The following HMSD variants were observed in gnomAD, a reference collection of about 807,000 sequenced individuals.
HMSD encodes the protein serpin-like protein HMSD.
In HMSD, 13 loss-of-function variants were observed where a neutral mutation model predicts 10.0. That is an observed-to-expected ratio of 1.31 (90% CI 0.85 to 2.08). The LOEUF is 2.08. Among genes scored for constraint, HMSD ranks in the 30% most tolerant of loss-of-function variants. HMSD has a pLI of 0.00. For synonymous variants in HMSD, 51 were observed against 54.2 expected (o/e 0.94, Z 0.26); for missense variants, 169 against 166.3 (o/e 1.02, Z -0.09).
intron 3 of HMSD, 150 bp downstream of exon 3, chr18:63,954,707 C>T (rs2050349232): frequency 1.6e-6 from 1 of 644,328 alleles, no homozygotes; most frequent in Admixed American, 2.8e-5. Flanking sequence ...GTTTGATCAT[C>T]TGTAGCACAG....
chr18:63,954,344 G>A (rs920410203), intron 2 of HMSD, 64 bp from the exon 3 acceptor site: 3 of 1,132,414 alleles, frequency 2.6e-6, no homozygotes, highest in African/African-American at 3.1e-5. Flanking sequence ...GTTTACTGTT[G>A]TGCCTATATT....
At chr18:63,967,931 C>T (rs2050417249) in intron 3 of HMSD, 1 of 152,182 alleles carries the variant, frequency 6.6e-6, no homozygotes, top group South Asian at 2.1e-4. Context: ...TGTCCATACT[C>T]AGAAAATAAA....
intron 3 of HMSD, chr18:63,968,564 C>A (rs1310466104): frequency 1.3e-5 from 2 of 152,336 alleles, no homozygotes; most frequent in East Asian, 3.9e-4. Flanking sequence ...CTCCCAGGGG[C>A]CAAATTATAT....
At chr18:63,969,183 TAAAGA>T (rs976867425) in intron 3 of HMSD, 1 of 152,244 alleles carries the variant, frequency 6.6e-6, no homozygotes, top group Non-Finnish European at 1.5e-5. Context: ...GCTATGGCTC[TAAAGA>T]AAAGAAGGGA....
rs998587498 is a variant in HMSD, at chr18:63,956,938, G to T, written c.222+2381G>T. On this transcript the variant is annotated intron_variant, in intron 3 of 3. Coordinates refer to ENST00000408945, the MANE Select transcript of HMSD (RefSeq NM_001123366.2). ...CCTTTGCAGCCACAGAGATGGAACT[G>T]GAGGCTATTAATCATAAGCAAACTA... is the stretch of plus-strand genomic sequence containing the variant. 5.3e-5 allele frequency among the ~76,000 whole-genome samples: 8 copies of T among 152,242 alleles called. No homozygotes were observed. The East Asian group carries it at 1.5e-3, about 29-fold the overall frequency.
At chr18:63,956,377 C>G (rs982933775) in intron 3 of HMSD, among the ~76,000 whole-genome samples, 8 of 151,192 alleles carry the variant, frequency 5.3e-5, no homozygotes, top group Non-Finnish European at 7.4e-5. Flanking sequence ...CTTAAATTTA[C>G]AAGCAAAAAC....
intron 3 of HMSD, among the ~76,000 whole-genome samples, chr18:63,967,756 A>G (rs1568262513): frequency 6.6e-6 from 1 of 152,174 alleles, no homozygotes. Context: ...GATGAGGCTG[A>G]GGACAGTTTC....
chr18:63,952,256 G>A (rs1190335070), intron 1 of HMSD, among the ~76,000 whole-genome samples: 12 of 150,680 alleles, frequency 8.0e-5, no homozygotes, highest in Non-Finnish European at 1.5e-4. Context: ...TGCACAATGT[G>A]CACATGTACC....
chr18:63,966,539 C>CAA (rs1274881428), downstream of HMSD: 1 of 152,206 alleles, frequency 6.6e-6, no homozygotes, highest in Non-Finnish European at 1.5e-5. Context: ...TTAACTACAG[C>CAA]AAAACAGCAC....
intron 1 of HMSD, 119 bp from the exon 2 acceptor site, chr18:63,953,235 G>T: frequency 2.1e-6 from 1 of 475,136 alleles, no homozygotes; most frequent in Non-Finnish European, 3.9e-6. Flanking sequence ...GTTTTTGTGT[G>T]TGTACCTATT....
rs113845486 is a variant in HMSD, at chr18:63,957,042, G to T, written c.222+2485G>T. Among the ~76,000 whole-genome samples the T allele has an allele frequency of 7.8e-3, 1,193 of 152,216 alleles. 15 individuals carry two copies. Among genetic ancestry groups the T allele is most frequent in the African/African-American group, 0.027 (1,122 of 41,546 alleles). ...AACATCCAGTACATATGGTCACAAG[G>T]AAAGGAATAACAGATATGGGGGCTT... On this transcript the variant is annotated intron_variant, in intron 3 of 3. Transcript: ENST00000408945.
intron 3 of HMSD, among the ~76,000 whole-genome samples, chr18:63,967,660 G>A (rs2050416104): frequency 6.6e-6 from 1 of 152,164 alleles, no homozygotes. Context: ...ACTAGGTCAA[G>A]GTTGAGTCGG....
At chr18:63,959,232 T>C (rs897957216) in intron 3 of HMSD, among the ~76,000 whole-genome samples, 1 of 152,172 alleles carries the variant, frequency 6.6e-6, no homozygotes, top group Admixed American at 6.5e-5. Context: ...TATTTTTAGT[T>C]TTATAAAAAA....
At chr18:63,950,415 C>CAAAAAAAAA (rs562421091) in intron 1 of HMSD, among the ~76,000 whole-genome samples, 1,216 of 39,024 alleles carry the variant, frequency 0.031, 146 homozygotes, top group Non-Finnish European at 0.045. Context: ...GACTCTCTCT[C>CAAAAAAAAA]AAAAAAAAAA....
Position 63,960,146 on chromosome 18 carries a change from G to A in HMSD, c.223-12G>A, listed in dbSNP as rs780749620. The A allele has an allele frequency of 3.1e-6, 5 of 1,605,910 alleles. No homozygotes were observed. Among genetic ancestry groups the A allele is most frequent in the Non-Finnish European group, 4.2e-6 (5 of 1,177,726 alleles). Reference sequence around the variant, plus strand: ...TCTGTAGCTGTGAAATTATGTTTTTGGTTTTTCCTAGGGTTTTACAGATTC... The same window carrying A: ...TCTGTAGCTGTGAAATTATGTTTTTAGTTTTTCCTAGGGTTTTACAGATTC... On this transcript the variant is annotated splice_polypyrimidine_tract_variant and intron_variant, in intron 3 of 3. Coordinates refer to ENST00000408945, the MANE Select transcript of HMSD (RefSeq NM_001123366.2).
rs1179177372 is a variant in HMSD, at chr18:63,960,176, G to A, written c.241G>A (p.Gly81Ser). 1 of 1,611,714 alleles carries A rather than the reference G, an allele frequency of 6.2e-7. No homozygotes were observed. The highest frequency in any genetic ancestry group is 1.7e-5 in the Admixed American group (1 of 59,552). Residue 81 changes from glycine (G) to serine (S), a missense_variant, in exon 4 of 4, where the codon GGC becomes AGC. Transcript: ENST00000408945. The stretch of plus-strand genomic sequence containing the variant: ...TTCCTAGGGTTTTACAGATTCCTGT[G>A]GCAAATTCTACCAAGCAACGATAAA... ...DFLTGFTDSC[G>S]KFYQATIKQL...
intron 3 of HMSD, among the ~76,000 whole-genome samples, chr18:63,957,973 C>T (rs1375913945): frequency 6.6e-6 from 1 of 152,080 alleles, no homozygotes; most frequent in Non-Finnish European, 1.5e-5. Flanking sequence ...ACACGTTTAA[C>T]AGATGGAAAG....
rs994411693 is a variant in HMSD, at chr18:63,960,510, T to G, written c.*155T>G. ...TGAAATAATCTCTTCCAGGTTTTTT[T>G]GCTTGTTAATATTAGGTAGTTTTTC... is the stretch of plus-strand genomic sequence containing the variant. On this transcript the variant is annotated 3_prime_UTR_variant, in exon 4 of 4. Transcript: ENST00000408945. 9 of 1,180,936 alleles carry G rather than the reference T, an allele frequency of 7.6e-6. No individual in the cohort carries two copies. Among genetic ancestry groups the G allele is most frequent in the African/African-American group, 4.7e-5 (3 of 63,836 alleles). 73.2% of individuals were successfully genotyped at this position (1,180,936 alleles called of 1,614,324 possible).
At chr18:63,963,567 T>C (rs2050399181), downstream of HMSD, among the ~76,000 whole-genome samples, 1 of 152,132 alleles carries the variant, frequency 6.6e-6, no homozygotes, top group Non-Finnish European at 1.5e-5. Flanking sequence ...TGACCAAGCA[T>C]AAAATGTTTT....
Sources: gnomAD v4.1 joint callset for allele counts (sites outside exome capture counted in the v4.1 genomes callset) on GRCh38, gnomAD v4.1.1 for gene constraint, MANE v1.5 for transcripts, NCBI Gene and HGNC (gene_info 2026-07-23, HGNC 2026-07-21) for gene names.